Variants in GVQW3 observed in about 807,000 individuals in gnomAD.
The protein encoded by GVQW3 is GVQW motif containing 3, also known as protein GVQW3.
GVQW3 carries 7 observed loss-of-function variants against 12.5 expected under a neutral mutation model. That is an observed-to-expected ratio of 0.56 (90% CI 0.32 to 1.05). The LOEUF (loss-of-function observed/expected upper bound fraction) is 1.05. GVQW3 is among the 50% of genes least tolerant of loss of function. The pLI is 0.04. For missense variants in GVQW3, 188 were observed against 190.8 expected (o/e 0.99, Z 0.09); for synonymous variants, 71 against 67.2 (o/e 1.06, Z -0.28).
intron 1 of GVQW3, among the ~76,000 whole-genome samples, chr11:76,399,515 T>C (rs140190738): frequency 7.2e-5 from 11 of 152,350 alleles, no homozygotes; most frequent in Non-Finnish European, 1.5e-4. Context: ...TAATTTTATT[T>C]GTCAATTTGT....
At chr11:76,400,841 G>T (rs1946982805) in intron 1 of GVQW3, among the ~76,000 whole-genome samples, 1 of 151,982 alleles carries the variant, frequency 6.6e-6, no homozygotes, top group African/African-American at 2.4e-5. Flanking sequence ...TCCATTTGGG[G>T]CATGTCCTCA....
intron 1 of GVQW3, among the ~76,000 whole-genome samples, chr11:76,399,028 T>C (rs1184341715): frequency 6.6e-6 from 1 of 152,244 alleles, no homozygotes; most frequent in Non-Finnish European, 1.5e-5. Context: ...ATCTGTCCCT[T>C]GTCACTGCAG....
intron 1 of GVQW3, among the ~76,000 whole-genome samples, chr11:76,386,984 T>C (rs1266852733): frequency 6.6e-6 from 1 of 152,202 alleles, no homozygotes; most frequent in African/African-American, 2.4e-5. Flanking sequence ...ATATGGTCTC[T>C]TTTGCCACTA....
At chr11:76,388,591 G>A (rs979825659) in intron 1 of GVQW3, among the ~76,000 whole-genome samples, 2 of 151,588 alleles carry the variant, frequency 1.3e-5, no homozygotes, top group African/African-American at 4.9e-5. Context: ...TTTATTGAGT[G>A]GCTGTATGGG....
At chr11:76,401,250 C>T (rs1184050974) in intron 1 of GVQW3, among the ~76,000 whole-genome samples, 1 of 151,618 alleles carries the variant, frequency 6.6e-6, no homozygotes, top group Non-Finnish European at 1.5e-5. Context: ...CATTTTTACC[C>T]TTCATATCTC....
At chr11:76,408,583 G>A, downstream of GVQW3, 1 of 152,286 alleles carries the variant, frequency 6.6e-6, no homozygotes, top group East Asian at 1.9e-4. Flanking sequence ...CAGGACCAGA[G>A]GAAATAAAAT....
chr11:76,400,715 C>T (rs562801027), intron 1 of GVQW3, among the ~76,000 whole-genome samples: 27 of 151,806 alleles, frequency 1.8e-4, no homozygotes, highest in African/African-American at 5.6e-4. Context: ...CCACTGCACC[C>T]GGCCCCTCTG....
intron 1 of GVQW3, chr11:76,395,021 A>G (rs1946926920): frequency 1.3e-5 from 2 of 152,026 alleles, no homozygotes; most frequent in Non-Finnish European, 2.9e-5. Context: ...AGCCAAGCCC[A>G]CATCTGATTG....
At chr11:76,390,540 A>G (rs1946881339) in intron 1 of GVQW3, among the ~76,000 whole-genome samples, 1 of 152,256 alleles carries the variant, frequency 6.6e-6, no homozygotes, top group South Asian at 2.1e-4. Context: ...GACAAGAAAT[A>G]AGATAAATTA....
chr11:76,391,821 G>A (rs1484754216), intron 1 of GVQW3, among the ~76,000 whole-genome samples: 2 of 152,178 alleles, frequency 1.3e-5, no homozygotes, highest in Admixed American at 1.3e-4. Context: ...GGGTGTGGTG[G>A]TGCATGCCTG....
rs544798706 is a variant in GVQW3, at chr11:76,382,022, G to C, written c.194G>C (p.Arg65Pro). 9.8e-6 allele frequency: 15 copies of C among 1,536,438 alleles called. No individual in the cohort carries two copies. The South Asian group carries it at 1.5e-4, about 16-fold the overall frequency. The change falls in exon 1 of 2, where the codon CGT becomes CCT. Residue 65 changes from arginine to proline, a missense_variant. Arg to Pro is a moderately radical substitution (Grantham distance 103, BLOSUM62 -2). Transcript: ENST00000529331. ...GTTCGAGATGATGCCCGAAGTGGGC[G>C]TCCAGTCACCCACCGAACAGATGAC... ...EDVRDDARSG[R>P]PVTHRTDDNI...
intron 1 of GVQW3, among the ~76,000 whole-genome samples, chr11:76,396,416 G>C (rs566938704): frequency 1.2e-4 from 19 of 152,008 alleles, no homozygotes; most frequent in Non-Finnish European, 1.5e-5. Flanking sequence ...CCGGGCTCAA[G>C]GGATCCTCCC....
At chr11:76,391,588 A>C (rs977499147) in intron 1 of GVQW3, among the ~76,000 whole-genome samples, 3 of 152,232 alleles carry the variant, frequency 2.0e-5, no homozygotes, top group Non-Finnish European at 4.4e-5. Context: ...TTAAAGAAGC[A>C]GCCAGAAGTC....
intron 1 of GVQW3, among the ~76,000 whole-genome samples, chr11:76,385,453 G>A (rs1946823907): frequency 6.6e-6 from 1 of 152,126 alleles, no homozygotes; most frequent in Non-Finnish European, 1.5e-5. Flanking sequence ...CACACCCCAG[G>A]CTCTTGTCCT....
chr11:76,395,512 G>T (rs1330564459), intron 1 of GVQW3, among the ~76,000 whole-genome samples: 2 of 152,060 alleles, frequency 1.3e-5, no homozygotes, highest in African/African-American at 2.4e-5. Context: ...TTTTTTCTTA[G>T]CAGGTCCTTA....
intron 1 of GVQW3, among the ~76,000 whole-genome samples, chr11:76,385,119 T>TACTCTTC: frequency 6.6e-6 from 1 of 152,170 alleles, no homozygotes; most frequent in East Asian, 1.9e-4. Context: ...TACCAGAAGC[T>TACTCTTC]ATGTTGGTCC....
At chr11:76,402,900 A>G (rs920992385) in intron 1 of GVQW3, among the ~76,000 whole-genome samples, 12 of 151,814 alleles carry the variant, frequency 7.9e-5, no homozygotes, top group African/African-American at 2.4e-4. Context: ...GAATTTTGTC[A>G]TGCTGCCTAG....
At position 76,408,054 on chromosome 11, in the gene GVQW3, CTTA is replaced by C. The variant is rs1250227638; in HGVS notation, c.*4301_*4303del. The C allele has an allele frequency of 2.0e-5, 3 of 151,766 alleles. No homozygotes were observed. Among genetic ancestry groups the C allele is most frequent in the Non-Finnish European group, 4.4e-5 (3 of 67,958 alleles). The allele number at this position is 151,766 out of a possible 1,614,324, so 9.4% of individuals were successfully genotyped here. A position where few individuals can be genotyped will look rare whatever the true frequency, so the allele number is the denominator to read the frequency against. ...TTATGCTTTTATATATATAATTTTT[CTTA>C]TTATAACAATAAATATTACTTTTGT... is the stretch of plus-strand genomic sequence containing the variant. On this transcript the variant is annotated 3_prime_UTR_variant, in exon 2 of 2. Transcript: ENST00000529331.
At chr11:76,410,665 G>A (rs1947073760), downstream of GVQW3, among the ~76,000 whole-genome samples, 1 of 152,138 alleles carries the variant, frequency 6.6e-6, no homozygotes, top group East Asian at 1.9e-4. Flanking sequence ...GATACCTCCA[G>A]GTGTCGATTC....
Sources: allele counts gnomAD v4.1 joint callset (sites outside exome capture counted in the v4.1 genomes callset), GRCh38; gene constraint gnomAD v4.1.1; transcripts MANE v1.5; gene names NCBI Gene and HGNC (gene_info 2026-07-23, HGNC 2026-07-21).